Variants in ATP8A2 observed in about 807,000 individuals in gnomAD.
ATP8A2 encodes the protein ATPase phospholipid transporting 8A2.
ATP8A2 carries 100 observed loss-of-function variants against 165.6 expected under a neutral mutation model. The observed-to-expected ratio is 0.60, with a 90% CI of 0.51 to 0.71. ATP8A2 has a LOEUF of 0.71. Among genes scored for constraint, ATP8A2 ranks in the 30% least tolerant of loss-of-function variants. The pLI is 0.00. For missense variants in ATP8A2, 1,227 were observed against 1,479.5 expected (o/e 0.83, Z 2.80); for synonymous variants, 543 against 548.8 (o/e 0.99, Z 0.15).
intron 2 of ATP8A2, among the ~76,000 whole-genome samples, chr13:25,478,807 A>G (rs980821841): frequency 7.2e-5 from 11 of 151,964 alleles, no homozygotes; most frequent in Admixed American, 6.6e-4. Flanking sequence ...TTCTCTGTCT[A>G]TATCAGTGGT....
intron 2 of ATP8A2, among the ~76,000 whole-genome samples, chr13:25,471,498 C>T (rs2035845008): frequency 6.6e-6 from 1 of 151,976 alleles, no homozygotes; most frequent in Non-Finnish European, 1.5e-5. Flanking sequence ...TTACAGGCGC[C>T]TGCCCAGCTA....
At chr13:25,570,392 G>C (rs2039431567) in intron 16 of ATP8A2, among the ~76,000 whole-genome samples, 3 of 152,278 alleles carry the variant, frequency 2.0e-5, no homozygotes, top group South Asian at 4.1e-4. Flanking sequence ...GAAGCACGTG[G>C]TGAAGTGCAA....
chr13:25,640,852 T>C (rs1278747769), intron 24 of ATP8A2, among the ~76,000 whole-genome samples: 2 of 152,166 alleles, frequency 1.3e-5, no homozygotes, highest in African/African-American at 4.8e-5. Context: ...GCAAAAATCC[T>C]CAATAAAATA....
chr13:25,464,807 A>G (rs1207844408), intron 1 of ATP8A2, among the ~76,000 whole-genome samples: 1 of 152,178 alleles, frequency 6.6e-6, no homozygotes, highest in African/African-American at 2.4e-5. Flanking sequence ...TTAGCCTCTT[A>G]TGTATTCATT....
chr13:25,386,375 C>A (rs2033045397), intron 1 of ATP8A2, among the ~76,000 whole-genome samples: 1 of 152,180 alleles, frequency 6.6e-6, no homozygotes, highest in Non-Finnish European at 1.5e-5. Context: ...GATTAACCAA[C>A]CTCTCCACCC....
chr13:25,596,953 G>C (rs532327532), intron 24 of ATP8A2, among the ~76,000 whole-genome samples: 1 of 152,012 alleles, frequency 6.6e-6, no homozygotes, highest in Non-Finnish European at 1.5e-5. Flanking sequence ...CATTCTAGTG[G>C]GTGTGTATTA....
chr13:25,791,299 C>T (rs2138405170), intron 27 of ATP8A2, among the ~76,000 whole-genome samples: 1 of 152,186 alleles, frequency 6.6e-6, no homozygotes. Flanking sequence ...AAACTAAATA[C>T]CACATGTTCT....
At chr13:25,469,661 C>G (rs2035787567) in intron 2 of ATP8A2, among the ~76,000 whole-genome samples, 1 of 152,166 alleles carries the variant, frequency 6.6e-6, no homozygotes, top group African/African-American at 2.4e-5. Flanking sequence ...TAAATGTCTA[C>G]TTTTGCTGGC....
Position 25,541,872 on chromosome 13 carries a change from A to C in ATP8A2, c.652-47A>C, listed in dbSNP as rs752968950. ...ATAGGGATGCTGAATGGTGTCCCTA[A>C]GCACAGAAGATTGTGTTTGACTTCC... On this transcript the variant is annotated intron_variant, in intron 8 of 36. Coordinates refer to ENST00000381655, the MANE Select transcript of ATP8A2 (RefSeq NM_016529.6). 4.2e-5 allele frequency: 67 copies of C among 1,610,338 alleles called. No homozygotes were observed. The Admixed American group carries it at 9.8e-4, about 24-fold the overall frequency.
At position 25,727,693 on chromosome 13, in the gene ATP8A2, C is replaced by T. The variant is rs182405399; in HGVS notation, c.2384+28348C>T. 3.7e-4 allele frequency among the ~76,000 whole-genome samples: 57 copies of T among 152,234 alleles called. No homozygotes were observed. In the East Asian group the frequency reaches 0.01, roughly 28 times the overall value. ...TTTCTATATAATATTTCACATTAAA[C>T]GTAATTGTAGATTAACTTTTATAGA... On this transcript the variant is annotated intron_variant, in intron 25 of 36. Transcript: ENST00000381655.
intron 24 of ATP8A2, among the ~76,000 whole-genome samples, chr13:25,609,890 A>G (rs2040634780): frequency 6.6e-6 from 1 of 150,558 alleles, no homozygotes; most frequent in South Asian, 2.1e-4. Flanking sequence ...GCATTTTTTC[A>G]TGTTTGTTGG....
intron 24 of ATP8A2, among the ~76,000 whole-genome samples, chr13:25,680,392 G>A (rs770193899): frequency 4.6e-5 from 7 of 152,172 alleles, no homozygotes; most frequent in Non-Finnish European, 8.8e-5. Context: ...AAGAGACTAG[G>A]AAAAGATCCT....
chr13:25,782,886 C>T (rs754733037), intron 27 of ATP8A2, among the ~76,000 whole-genome samples: 34 of 151,720 alleles, frequency 2.2e-4, no homozygotes, highest in Non-Finnish European at 4.6e-4. Flanking sequence ...ATTACAGGCA[C>T]GTGCCACCGC....
chr13:25,807,642 G>C (rs1480709627), intron 27 of ATP8A2, among the ~76,000 whole-genome samples: 1 of 152,208 alleles, frequency 6.6e-6, no homozygotes, highest in Non-Finnish European at 1.5e-5. Context: ...GTGAAAAATA[G>C]AGAATGGAAA....
intron 25 of ATP8A2, among the ~76,000 whole-genome samples, chr13:25,760,130 T>C (rs928851078): frequency 6.6e-6 from 1 of 152,214 alleles, no homozygotes; most frequent in Non-Finnish European, 1.5e-5. Context: ...GCAGCATTTA[T>C]GGCTTGAGTA....
chr13:25,968,561 T>C lies in ATP8A2; in HGVS notation c.3273-14T>C, dbSNP rs1955837209. 1 of 1,610,800 alleles carries C rather than the reference T, an allele frequency of 6.2e-7. No individual in the cohort carries two copies. The highest frequency in any genetic ancestry group is 8.5e-7 in the Non-Finnish European group (1 of 1,178,480). ...TCTATGCCATGTTCGTTTTGTCTTT[T>C]CCTCATAACACAGAGCCAAGCACAC... is the stretch of plus-strand genomic sequence containing the variant. On this transcript the variant is annotated splice_polypyrimidine_tract_variant and intron_variant, in intron 34 of 36. Transcript: ENST00000381655.
At chr13:25,840,329 G>A (rs1260186892) in intron 30 of ATP8A2, among the ~76,000 whole-genome samples, 1 of 152,138 alleles carries the variant, frequency 6.6e-6, no homozygotes, top group Non-Finnish European at 1.5e-5. Context: ...TACTCCAAAT[G>A]TTGACTAGAC....
chr13:25,609,695 CTCCACACTGTGT>C (rs1441445732), intron 24 of ATP8A2, among the ~76,000 whole-genome samples: 2 of 148,760 alleles, frequency 1.3e-5, no homozygotes, highest in Non-Finnish European at 3.0e-5. Context: ...TTTAAGGAAT[CTCCACACTGTGT>C]TCCATAGTGG....
intron 27 of ATP8A2, among the ~76,000 whole-genome samples, chr13:25,784,764 T>TC (rs2044980251): frequency 6.6e-6 from 1 of 152,018 alleles, no homozygotes; most frequent in Non-Finnish European, 1.5e-5. Flanking sequence ...AAGATACATT[T>TC]CTTTTTTTTT....
Sources: gnomAD v4.1 joint callset for allele counts (sites outside exome capture counted in the v4.1 genomes callset) on GRCh38, gnomAD v4.1.1 for gene constraint, MANE v1.5 for transcripts, NCBI Gene and HGNC (gene_info 2026-07-23, HGNC 2026-07-21) for gene names.